TIMP2: variants seen among roughly 807,000 people sequenced by gnomAD.
TIMP2 encodes TIMP metallopeptidase inhibitor 2.
In TIMP2, 5 loss-of-function variants were observed where a neutral mutation model predicts 24.3. The ratio of observed to expected loss-of-function variants is 0.21; its 90% CI spans 0.11 to 0.43. The LOEUF (loss-of-function observed/expected upper bound fraction) is 0.43, where lower values mean the gene tolerates loss of function less well. Among genes scored for constraint, TIMP2 ranks in the 20% least tolerant of loss-of-function variants. The probability of loss-of-function intolerance (pLI) is 1.00; values close to 1 mark genes in which losing one functional copy is unlikely to be tolerated. For synonymous variants in TIMP2, 130 were observed against 123.2 expected (o/e 1.06, Z -0.37); for missense variants, 221 against 297.5 (o/e 0.74, Z 1.89).
intron 3 of TIMP2, among the ~76,000 whole-genome samples, chr17:78,870,029 C>T (rs1213772960): frequency 6.6e-6 from 1 of 151,728 alleles, no homozygotes; most frequent in South Asian, 2.1e-4. Context: ...TAGTGTTTAA[C>T]GGGGACGGAG....
chr17:78,906,920 G>C (rs182804524), intron 1 of TIMP2, among the ~76,000 whole-genome samples: 136 of 152,220 alleles, frequency 8.9e-4, no homozygotes, highest in African/African-American at 3.1e-3. Flanking sequence ...TGATCACCTG[G>C]AGTAGCATTT....
chr17:78,862,508 A>G (rs1014325646), intron 3 of TIMP2, among the ~76,000 whole-genome samples: 5 of 152,324 alleles, frequency 3.3e-5, no homozygotes, highest in Middle Eastern at 3.4e-3. Context: ...ATGCAGCCTC[A>G]TTGGTGGAGA....
At chr17:78,917,920 A>T (rs975073663) in intron 1 of TIMP2, among the ~76,000 whole-genome samples, 1 of 152,314 alleles carries the variant, frequency 6.6e-6, no homozygotes, top group Admixed American at 6.5e-5. Context: ...GACTAGGCAG[A>T]TACTCACAAG....
chr17:78,908,555 T>A (rs192395367), intron 1 of TIMP2, among the ~76,000 whole-genome samples: 45 of 152,298 alleles, frequency 3.0e-4, no homozygotes, highest in Middle Eastern at 3.4e-3. Context: ...GCCAGGATCA[T>A]TCCCCTTGGA....
chr17:78,888,532 G>A lies in TIMP2; in HGVS notation c.131-14613C>T, dbSNP rs370219442. ...GTGGCGTGATCACAGCTCCCTGTGC[G>A]GCCTCAGTCTCTGGGGCTCAAATGA... is the stretch of plus-strand genomic sequence containing the variant. On this transcript the variant is annotated intron_variant, in intron 1 of 4. Transcript: ENST00000262768. 3.3e-5 allele frequency among the ~76,000 whole-genome samples: 5 copies of A among 152,188 alleles called. No individual in the cohort carries two copies. In the East Asian group the frequency reaches 5.8e-4, roughly 18 times the overall value.
chr17:78,922,205 C>G (rs982642119), intron 1 of TIMP2: 1 of 152,244 alleles, frequency 6.6e-6, no homozygotes, highest in Non-Finnish European at 1.5e-5. Context: ...GAGAAAGTCA[C>G]AAACCTGCAT....
chr17:78,918,055 T>TGCGC (rs10631360), intron 1 of TIMP2, among the ~76,000 whole-genome samples: 1 of 76,720 alleles, frequency 1.3e-5, no homozygotes, highest in Non-Finnish European at 2.7e-5. Flanking sequence ...CACGTACGCG[T>TGCGC]GCACACACAA....
At position 78,879,794 on chromosome 17, in the gene TIMP2, C is replaced by T. The variant is rs369823453; in HGVS notation, c.131-5875G>A. ...GCCGGCTACTGGAATGTACAACCGT[C>T]GGCTGAATTCAAAGCACACGCAACT... On this transcript the variant is annotated intron_variant, in intron 1 of 4. Coordinates refer to ENST00000262768, the MANE Select transcript of TIMP2 (RefSeq NM_003255.5). Among the ~76,000 whole-genome samples the T allele has an allele frequency of 9.3e-4, 142 of 152,316 alleles. No homozygotes were observed. In the East Asian group the frequency reaches 0.021, roughly 23 times the overall value.
chr17:78,896,228 G>A lies in TIMP2; in HGVS notation c.131-22309C>T, dbSNP rs910488662. ...CTTGAGGCAGAGGGCAGGGTCTCAC[G>A]TGGACTTGTGCAGGCACTGGCAGGG... On this transcript the variant is annotated intron_variant, in intron 1 of 4. Transcript: ENST00000262768. This position sits in a 1 kb window ranked among gnomAD's most constrained non-coding sequence, Gnocchi z 4.4. Among the ~76,000 whole-genome samples the A allele has an allele frequency of 1.3e-5, 2 of 152,194 alleles. No homozygotes were observed. The highest frequency in any genetic ancestry group is 4.1e-4 in the South Asian group (2 of 4,830).
rs191950560 is a variant in TIMP2 at position 78,854,889 on chromosome 17, C to A, written c.*778G>T. 7.3e-6 allele frequency: 1 copy of A among 136,750 alleles called. No individual in the cohort carries two copies. Among genetic ancestry groups the A allele is most frequent in the East Asian group, 2.1e-4 (1 of 4,690 alleles). The allele number at this position is 136,750 out of a possible 1,614,324, so 8.5% of individuals were successfully genotyped here. ...CAGCAGCCTCAGGACAGGACCTCACCGATTCCTCCTGCAAGCTGGGGAGCA... is the reference window on the plus strand; with the variant it reads ...CAGCAGCCTCAGGACAGGACCTCACAGATTCCTCCTGCAAGCTGGGGAGCA... On this transcript the variant is annotated 3_prime_UTR_variant, in exon 5 of 5. Coordinates refer to ENST00000262768, the MANE Select transcript of TIMP2 (RefSeq NM_003255.5).
At chr17:78,868,908 C>T (rs369453780) in intron 3 of TIMP2, among the ~76,000 whole-genome samples, 110 of 152,172 alleles carry the variant, frequency 7.2e-4, no homozygotes, top group African/African-American at 2.3e-3. Context: ...AGAGACCCCG[C>T]GACTGGAGCG....
At chr17:78,875,912 C>G (rs2069723870) in intron 1 of TIMP2, among the ~76,000 whole-genome samples, 1 of 152,216 alleles carries the variant, frequency 6.6e-6, no homozygotes, top group South Asian at 2.1e-4. Flanking sequence ...ACTGCCTCGC[C>G]TGGGCACAAA....
chr17:78,890,321 T>C (rs1028211401), intron 1 of TIMP2, among the ~76,000 whole-genome samples: 15 of 151,556 alleles, frequency 9.9e-5, no homozygotes, highest in African/African-American at 3.6e-4. Flanking sequence ...CCTGCCTCAA[T>C]TTCCTGAGTA....
intron 1 of TIMP2, among the ~76,000 whole-genome samples, chr17:78,878,820 G>A (rs1286670784): frequency 6.6e-6 from 1 of 152,132 alleles, no homozygotes; most frequent in Admixed American, 6.6e-5. Flanking sequence ...CTGCCCCTGG[G>A]GAACAGAATT....
intron 1 of TIMP2, among the ~76,000 whole-genome samples, chr17:78,916,576 G>T (rs1338154590): frequency 6.6e-6 from 1 of 152,154 alleles, no homozygotes. Flanking sequence ...CCCGCTCAGG[G>T]CCTGCCTTCC....
Position 78,891,330 on chromosome 17 carries a change from C to A in TIMP2, c.131-17411G>T. 1 of 1,550,324 alleles carries A rather than the reference C, an allele frequency of 6.5e-7. No homozygotes were observed. Among genetic ancestry groups the A allele is most frequent in the Non-Finnish European group, 8.7e-7 (1 of 1,146,950 alleles). On this transcript the variant is annotated intron_variant, in intron 1 of 4. Transcript: ENST00000262768. This position sits in a 1 kb window ranked among gnomAD's most constrained non-coding sequence, Gnocchi z 4.5. ...ATCTCTGGGTCTGCCATTTTCTTCCCTCTTGGGGTCCCAGCGCCACACTCT... is the reference window on the plus strand; with the variant it reads ...ATCTCTGGGTCTGCCATTTTCTTCCATCTTGGGGTCCCAGCGCCACACTCT...
At position 78,896,466 on chromosome 17, in the gene TIMP2, G is replaced by A. The variant is rs117689053; in HGVS notation, c.131-22547C>T. Among the ~76,000 whole-genome samples, 4 of 152,234 alleles carry A rather than the reference G, an allele frequency of 2.6e-5. No homozygotes were observed. In the East Asian group the frequency reaches 5.8e-4, roughly 22 times the overall value. On this transcript the variant is annotated intron_variant, in intron 1 of 4. Transcript: ENST00000262768. The surrounding 1 kb of genome is among the most constrained non-coding windows in gnomAD (Gnocchi z 4.4). Reference sequence around the variant, plus strand: ...AGCCATGGTTCCAATCAGGGCCCTCGCTACAGCTCCCCTCCCAGAGGCACC... The same window carrying A: ...AGCCATGGTTCCAATCAGGGCCCTCACTACAGCTCCCCTCCCAGAGGCACC...
At chr17:78,856,123 C>A in intron 4 of TIMP2, 1 of 530,566 alleles carries the variant, frequency 1.9e-6, no homozygotes. Flanking sequence ...CATCTTCTAC[C>A]TTCCTGAGCA....
chr17:78,883,924 A>G (rs2145762472), intron 1 of TIMP2, among the ~76,000 whole-genome samples: 1 of 152,254 alleles, frequency 6.6e-6, no homozygotes, highest in African/African-American at 2.4e-5. Context: ...CTCATGCCAG[A>G]GCCTCCGGCT....
Sources: allele counts gnomAD v4.1 joint callset (sites outside exome capture counted in the v4.1 genomes callset), GRCh38; gene constraint gnomAD v4.1.1; non-coding constraint Gnocchi (gnomAD v3.1); transcripts MANE v1.5; gene names NCBI Gene and HGNC (gene_info 2026-07-23, HGNC 2026-07-21).